The following MYO3B variants were observed in gnomAD, a reference collection of about 807,000 sequenced individuals.
MYO3B encodes myosin IIIB.
A neutral mutation model predicts 174.6 loss-of-function variants in MYO3B; 156 were observed. The observed-to-expected ratio is 0.89, with a 90% confidence interval of 0.78 to 1.02. The LOEUF (loss-of-function observed/expected upper bound fraction) is 1.02, where lower values mean the gene tolerates loss of function less well. Among genes scored for constraint, MYO3B ranks in the 50% least tolerant of loss-of-function variants. MYO3B has a pLI of 0.00. For synonymous variants in MYO3B, 563 were observed against 569.1 expected, an observed-to-expected ratio of 0.99 and a Z score of 0.15; for missense variants, 1,632 against 1,639.4, an observed-to-expected ratio of 1.00 and a Z score of 0.08.
chr2:170,503,261 T>C (rs895822344), intron 28 of MYO3B, among the ~76,000 whole-genome samples: 34 of 152,250 alleles, frequency 2.2e-4, no homozygotes, highest in African/African-American at 5.8e-4. Context: ...GAAAGTCATC[T>C]TTTGAGTGCT....
intron 23 of MYO3B, among the ~76,000 whole-genome samples, chr2:170,462,640 G>A (rs1684362834): frequency 6.6e-6 from 1 of 152,258 alleles, no homozygotes; most frequent in Non-Finnish European, 1.5e-5. Flanking sequence ...CAGAGCAGAT[G>A]GGAAGCTGCC....
intron 32 of MYO3B, among the ~76,000 whole-genome samples, chr2:170,555,489 C>T (rs910270260): frequency 2.0e-5 from 3 of 152,164 alleles, no homozygotes; most frequent in Non-Finnish European, 2.9e-5. Flanking sequence ...ATTTTAGTGC[C>T]TCCATAGCTT....
intron 7 of MYO3B, among the ~76,000 whole-genome samples, chr2:170,333,179 C>T (rs13420308): frequency 0.042 from 6,394 of 152,218 alleles, 200 homozygotes; most frequent in African/African-American, 0.085. Context: ...TCTAGGATAA[C>T]GGACTCACTG....
At chr2:170,436,241 C>G (rs929835810) in intron 22 of MYO3B, among the ~76,000 whole-genome samples, 2 of 152,178 alleles carry the variant, frequency 1.3e-5, no homozygotes, top group African/African-American at 4.8e-5. Context: ...CAATGCTTAG[C>G]TGGGAGGAGG....
intron 22 of MYO3B, among the ~76,000 whole-genome samples, chr2:170,412,842 G>A (rs1202858937): frequency 1.3e-5 from 2 of 152,200 alleles, no homozygotes; most frequent in Non-Finnish European, 2.9e-5. Flanking sequence ...TTCCTGAAAT[G>A]GAGGCTCTGA....
At chr2:170,463,196 T>C (rs1040119133) in intron 23 of MYO3B, among the ~76,000 whole-genome samples, 172 bp from the exon 24 acceptor site, 2 of 152,236 alleles carry the variant, frequency 1.3e-5, no homozygotes, top group Non-Finnish European at 2.9e-5. Context: ...GAACAATGCA[T>C]ATTCTTTCGT....
chr2:170,608,683 GAC>G (rs1032384559), intron 32 of MYO3B, among the ~76,000 whole-genome samples: 30 of 149,456 alleles, frequency 2.0e-4, no homozygotes, highest in African/African-American at 7.3e-4. Context: ...GAGAGAGAGA[GAC>G]AGACAGACAG....
chr2:170,200,078 G>A, intron 2 of MYO3B, 72 bp from the exon 3 acceptor site: 1 of 1,447,522 alleles, frequency 6.9e-7, no homozygotes, highest in South Asian at 1.3e-5. Context: ...AAGTACTTGA[G>A]CATGATGTCA....
intron 7 of MYO3B, among the ~76,000 whole-genome samples, chr2:170,292,609 C>G (rs919122430): frequency 3.3e-5 from 5 of 151,882 alleles, no homozygotes; most frequent in African/African-American, 1.2e-4. Context: ...TCCTTTTTGC[C>G]TCTAGGTGGT....
chr2:170,587,916 C>G (rs996847566), intron 32 of MYO3B, among the ~76,000 whole-genome samples: 4 of 152,190 alleles, frequency 2.6e-5, no homozygotes, highest in African/African-American at 9.7e-5. Flanking sequence ...AGGAAAATTA[C>G]TTGTCAGAGC....
chr2:170,502,159 C>T (rs996713172), intron 28 of MYO3B, among the ~76,000 whole-genome samples: 2 of 152,120 alleles, frequency 1.3e-5, no homozygotes, highest in Admixed American at 1.3e-4. Context: ...GGGACTTGTC[C>T]ACCATCACAC....
intron 25 of MYO3B, among the ~76,000 whole-genome samples, chr2:170,486,440 G>A (rs1186802672): frequency 6.6e-6 from 1 of 151,878 alleles, no homozygotes; most frequent in Non-Finnish European, 1.5e-5. Context: ...AAGTAGCTGG[G>A]ATTACAGGCA....
intron 8 of MYO3B, among the ~76,000 whole-genome samples, chr2:170,347,012 T>C (rs190080297): frequency 6.6e-6 from 1 of 152,322 alleles, no homozygotes; most frequent in Non-Finnish European, 1.5e-5. Flanking sequence ...TATGTGAAAA[T>C]CTTTATTCAT....
At chr2:170,182,520 T>G (rs2092413352) in intron 1 of MYO3B, among the ~76,000 whole-genome samples, 1 of 152,182 alleles carries the variant, frequency 6.6e-6, no homozygotes, top group Non-Finnish European at 1.5e-5. Context: ...TTAATTACTC[T>G]AGCAGTATAA....
intron 25 of MYO3B, among the ~76,000 whole-genome samples, chr2:170,472,225 G>A (rs1338244465): frequency 6.6e-6 from 1 of 152,112 alleles, no homozygotes; most frequent in African/African-American, 2.4e-5. Flanking sequence ...TGATTAAAAT[G>A]ACCATCCAGG....
chr2:170,588,099 C>T (rs1404197362), intron 32 of MYO3B, among the ~76,000 whole-genome samples: 1 of 152,008 alleles, frequency 6.6e-6, no homozygotes, highest in Non-Finnish European at 1.5e-5. Context: ...CCTTTGTGAT[C>T]TGGCACTATG....
At chr2:170,456,713 T>C (rs1380007334) in intron 23 of MYO3B, among the ~76,000 whole-genome samples, 2 of 152,332 alleles carry the variant, frequency 1.3e-5, no homozygotes, top group African/African-American at 4.8e-5. Context: ...ACAGTAATGA[T>C]GGAAGGAGAA....
At chr2:170,580,775 GTA>G (rs1416030490) in intron 32 of MYO3B, among the ~76,000 whole-genome samples, 1 of 144,762 alleles carries the variant, frequency 6.9e-6, no homozygotes, top group Non-Finnish European at 1.5e-5. Flanking sequence ...AGCGTAAATA[GTA>G]TATGTTTTTA....
In MYO3B at chr2:170,633,319, C is replaced by T. The variant is rs138558084; in HGVS notation, c.3734-18309C>T. Among the ~76,000 whole-genome samples, 896 of 152,256 alleles carry T rather than the reference C, an allele frequency of 5.9e-3. 4 individuals are homozygous for T. The highest frequency in any genetic ancestry group is 0.01 in the Middle Eastern group (3 of 294). ...CTGGATGCAAGGCTGGTTCAACATACGCAAATCAATAAACTTAATCCATCA... is the reference window on the plus strand; with the variant it reads ...CTGGATGCAAGGCTGGTTCAACATATGCAAATCAATAAACTTAATCCATCA... On this transcript the variant is annotated intron_variant, in intron 32 of 34. Coordinates refer to ENST00000408978, the MANE Select transcript of MYO3B (RefSeq NM_138995.5).
Sources: gnomAD v4.1 joint callset for allele counts (sites outside exome capture counted in the v4.1 genomes callset) on GRCh38, gnomAD v4.1.1 for gene constraint, MANE v1.5 for transcripts, NCBI Gene and HGNC (gene_info 2026-07-23, HGNC 2026-07-21) for gene names.